PRAG1: variants seen among roughly 807,000 people sequenced by gnomAD.
PRAG1 encodes the protein inactive tyrosine-protein kinase PRAG1.
A neutral mutation model predicts 95.6 loss-of-function variants in PRAG1; 110 were observed. That is an observed-to-expected ratio of 1.15 (90% CI 0.99 to 1.35). The LOEUF is 1.35. Ranked by LOEUF, PRAG1 falls within the 40% of genes most tolerant of loss-of-function variation. The pLI is 0.00. For missense variants in PRAG1, 2,554 were observed against 1,864.7 expected (o/e 1.37, Z -6.81); for synonymous variants, 1,052 against 819.4 (o/e 1.28, Z -4.85).
chr8:8,329,122 G>A (rs1290971887), intron 4 of PRAG1, among the ~76,000 whole-genome samples: 1 of 152,156 alleles, frequency 6.6e-6, no homozygotes, highest in Non-Finnish European at 1.5e-5. Flanking sequence ...GCTGGGTGCG[G>A]CGGCTCATGC....
chr8:8,368,191 T>A (rs1800075138), intron 3 of PRAG1, among the ~76,000 whole-genome samples: 1 of 152,144 alleles, frequency 6.6e-6, no homozygotes, highest in African/African-American at 2.4e-5. Context: ...AGAGAAAATA[T>A]CTGAGAACAA....
At position 8,318,318 on chromosome 8, in the gene PRAG1, T is replaced by A. The variant is rs767246896; in HGVS notation, c.4057A>T (p.Asn1353Tyr). The part of the protein sequence containing the change: ...SEEALCGTLH[N>Y]WIDMKRALMM... ...AGGGCCCGCTTCATGTCGATCCAGTTGTGCAGCGTGCCGCACAGCGCCTCC... is the reference window on the plus strand; with the variant it reads ...AGGGCCCGCTTCATGTCGATCCAGTAGTGCAGCGTGCCGCACAGCGCCTCC... The change falls in exon 6 of 6, where the codon AAC (asparagine) becomes TAC (tyrosine). Residue 1353 changes from asparagine to tyrosine, a missense_variant. Asn to Tyr is a moderately radical substitution (Grantham distance 143). Coordinates refer to ENST00000615670, the MANE Select transcript of PRAG1 (RefSeq NM_001080826.3). This position sits in a 1 kb window ranked among gnomAD's most constrained non-coding sequence, Gnocchi z 4.2. 6.2e-7 allele frequency: 1 copy of A among 1,614,120 alleles called. No individual in the cohort carries two copies.
intron 4 of PRAG1, among the ~76,000 whole-genome samples, chr8:8,331,141 G>C (rs1450612825): frequency 6.6e-6 from 1 of 152,070 alleles, no homozygotes; most frequent in African/African-American, 2.4e-5. Flanking sequence ...TCAGAGACAA[G>C]GACAACCTGC....
intron 3 of PRAG1, among the ~76,000 whole-genome samples, chr8:8,342,157 G>C (rs1055648155): frequency 6.6e-6 from 1 of 151,262 alleles, no homozygotes; most frequent in African/African-American, 2.4e-5. Context: ...ATTATAAAAT[G>C]AATTGAGTAA....
chr8:8,341,223 C>G (rs1008958349), intron 3 of PRAG1, among the ~76,000 whole-genome samples: 1 of 152,142 alleles, frequency 6.6e-6, no homozygotes, highest in African/African-American at 2.4e-5. Flanking sequence ...GGCTACAGAG[C>G]TGGCACAGCT....
At chr8:8,375,023 A>G (rs934712686) in intron 3 of PRAG1, among the ~76,000 whole-genome samples, 1 of 151,918 alleles carries the variant, frequency 6.6e-6, no homozygotes, top group Non-Finnish European at 1.5e-5. Flanking sequence ...GTTTCGCTCT[A>G]ATCGAGAGAA....
chr8:8,374,484 C>T (rs562233242), intron 3 of PRAG1: 22 of 200,802 alleles, frequency 1.1e-4, no homozygotes, highest in Non-Finnish European at 1.8e-4. Context: ...CAGCAGGAAC[C>T]TTAGGCTGGT....
chr8:8,341,278 C>A (rs1463807185), intron 3 of PRAG1, among the ~76,000 whole-genome samples: 1 of 151,926 alleles, frequency 6.6e-6, no homozygotes, highest in Admixed American at 6.6e-5. Context: ...TAGACAAAAC[C>A]AAAAAATACA....
chr8:8,369,971 G>T (rs1175699973), intron 3 of PRAG1, among the ~76,000 whole-genome samples: 2 of 152,164 alleles, frequency 1.3e-5, no homozygotes, highest in African/African-American at 4.8e-5. Context: ...GATCCTTAAG[G>T]AACAGAACCC....
intron 5 of PRAG1, among the ~76,000 whole-genome samples, chr8:8,321,137 T>G (rs1237367375): frequency 2.0e-5 from 3 of 152,236 alleles, no homozygotes; most frequent in Admixed American, 6.5e-5. Context: ...CAGGCTGGAG[T>G]GCAGTGGTGC....
chr8:8,376,050 G>C (rs1027738367), intron 3 of PRAG1, among the ~76,000 whole-genome samples, 197 bp downstream of exon 3: 2 of 152,158 alleles, frequency 1.3e-5, no homozygotes, highest in African/African-American at 2.4e-5. Context: ...AAGTAGGTTT[G>C]TTTGCTGGGT....
intron 3 of PRAG1, among the ~76,000 whole-genome samples, chr8:8,371,555 G>A (rs1265072920): frequency 6.6e-6 from 1 of 152,032 alleles, no homozygotes; most frequent in South Asian, 2.1e-4. Context: ...CACCGCGCCC[G>A]ACCATGAGTG....
chr8:8,351,670 AG>A (rs1799527046), intron 3 of PRAG1, among the ~76,000 whole-genome samples: 1 of 152,244 alleles, frequency 6.6e-6, no homozygotes, highest in African/African-American at 2.4e-5. Context: ...CCCCAGATCC[AG>A]GAGGTGACAT....
chr8:8,382,147 G>C (rs1800699059), intron 1 of PRAG1, among the ~76,000 whole-genome samples: 1 of 151,940 alleles, frequency 6.6e-6, no homozygotes, highest in Non-Finnish European at 1.5e-5. Flanking sequence ...GGCAGTTATG[G>C]GAAGAAATCA....
chr8:8,319,436 A>G (rs1798404665), intron 5 of PRAG1, 134 bp from the exon 6 acceptor site: 1 of 573,892 alleles, frequency 1.7e-6, no homozygotes, highest in Admixed American at 4.1e-5. Flanking sequence ...ATCCATACAC[A>G]TGCTAGAAGA....
chr8:8,365,386 G>A (rs578033656), intron 3 of PRAG1, among the ~76,000 whole-genome samples: 2 of 152,124 alleles, frequency 1.3e-5, no homozygotes, highest in Non-Finnish European at 2.9e-5. Context: ...CACTGTGGGA[G>A]GCCAAAGCAG....
chr8:8,376,939 C>G lies in PRAG1; in HGVS notation c.1470G>C (p.Leu490=). 5 of 1,613,438 alleles carry G rather than the reference C, an allele frequency of 3.1e-6. No individual in the cohort carries two copies. The highest frequency in any genetic ancestry group is 4.2e-6 in the Non-Finnish European group (5 of 1,180,026). The change falls in exon 3 of 6, where the codon CTG becomes CTC. Residue 490 remains leucine (L), a synonymous_variant. Coordinates refer to ENST00000615670, the MANE Select transcript of PRAG1 (RefSeq NM_001080826.3). ...CCCCCACTGCAGAGTCAGGGCTGCTCAGGTAGATCGTCCGATGGTCCTCTT... is the reference window on the plus strand; with the variant it reads ...CCCCCACTGCAGAGTCAGGGCTGCTGAGGTAGATCGTCCGATGGTCCTCTT... The part of the protein sequence containing the change: ...HPEEDHRTIY[L]SSPDSAVGVQ...
At chr8:8,379,907 G>A (rs1175743602) in intron 2 of PRAG1, among the ~76,000 whole-genome samples, 4 of 152,182 alleles carry the variant, frequency 2.6e-5, no homozygotes, top group Admixed American at 2.6e-4. Flanking sequence ...CAGGAGTACT[G>A]GCTGGGTATT....
Position 8,381,541 on chromosome 8 carries a change from C to T in PRAG1, c.207G>A (p.Leu69=). The change falls in exon 2 of 6, where the codon CTG becomes CTA. Residue 69 remains leucine (L), a synonymous_variant. Transcript: ENST00000615670. ...GTGAGCTGTTCACACCTTCATCTTC[C>T]AGGCGGCAGTTCTCAGGCCTGGGAG... ...RLPPRPENCR[L]EDEGVNSSPY... The T allele has an allele frequency of 6.2e-7, 1 of 1,614,206 alleles. No homozygotes were observed. The highest frequency in any genetic ancestry group is 8.5e-7 in the Non-Finnish European group (1 of 1,180,024).
Sources: gnomAD v4.1 joint callset for allele counts (sites outside exome capture counted in the v4.1 genomes callset) on GRCh38, gnomAD v4.1.1 for gene constraint, Gnocchi (gnomAD v3.1) non-coding constraint, MANE v1.5 for transcripts, NCBI Gene and HGNC (gene_info 2026-07-23, HGNC 2026-07-21) for gene names.